SLC9C2: variants seen among roughly 807,000 people sequenced by gnomAD.
The protein encoded by SLC9C2 is solute carrier family 9 member C2 (putative).
Under a neutral mutation model 140.2 loss-of-function variants are expected in SLC9C2, and 75 were observed. The observed-to-expected ratio is 0.53, with a 90% CI of 0.44 to 0.65. The LOEUF (loss-of-function observed/expected upper bound fraction) is 0.65. Among genes scored for constraint, SLC9C2 ranks in the 30% least tolerant of loss-of-function variants. The probability of loss-of-function intolerance (pLI) is 0.00; values close to 1 mark genes in which losing one functional copy is unlikely to be tolerated. For synonymous variants in SLC9C2, 375 were observed against 420.9 expected, an observed-to-expected ratio of 0.89 and a Z score of 1.34; for missense variants, 1,074 against 1,331.8, an observed-to-expected ratio of 0.81 and a Z score of 3.01.
intron 9 of SLC9C2, among the ~76,000 whole-genome samples, chr1:173,568,983 A>G (rs1664672212): frequency 6.6e-6 from 1 of 152,130 alleles, no homozygotes; most frequent in South Asian, 2.1e-4. Context: ...CATTTCTTCT[A>G]GGAAAGGTCT....
chr1:173,520,399 A>G (rs1660725271), intron 22 of SLC9C2, among the ~76,000 whole-genome samples: 1 of 152,166 alleles, frequency 6.6e-6, no homozygotes, highest in Admixed American at 6.5e-5. Context: ...AAAAAATCAC[A>G]ACTAATCTCT....
At chr1:173,577,953 G>C (rs980221763) in intron 7 of SLC9C2, among the ~76,000 whole-genome samples, 3 of 152,014 alleles carry the variant, frequency 2.0e-5, no homozygotes, top group Non-Finnish European at 4.4e-5. Context: ...TGTGATGACA[G>C]GGAAACTATC....
intron 11 of SLC9C2, among the ~76,000 whole-genome samples, chr1:173,553,114 A>G (rs1663432972): frequency 6.6e-6 from 1 of 152,228 alleles, no homozygotes; most frequent in Non-Finnish European, 1.5e-5. Flanking sequence ...TGGTGGAAAT[A>G]GCAAGGGAAC....
intron 8 of SLC9C2, among the ~76,000 whole-genome samples, chr1:173,574,107 T>C (rs1232285537): frequency 6.7e-6 from 1 of 149,662 alleles, no homozygotes; most frequent in Non-Finnish European, 1.5e-5. Context: ...TATGGTTCCA[T>C]GTGGTAGCAC....
At chr1:173,530,355 C>G (rs1661495611) in intron 17 of SLC9C2, among the ~76,000 whole-genome samples, 1 of 152,164 alleles carries the variant, frequency 6.6e-6, no homozygotes, top group African/African-American at 2.4e-5. Context: ...GGGAAAGTCT[C>G]TAGCACTGCC....
At chr1:173,503,567 G>A (rs988296485) in intron 26 of SLC9C2, among the ~76,000 whole-genome samples, 9 of 152,118 alleles carry the variant, frequency 5.9e-5, no homozygotes, top group African/African-American at 1.9e-4. Flanking sequence ...TGAAGTGGGC[G>A]GGGTAAAGGC....
At chr1:173,542,063 T>A (rs1299898478) in intron 13 of SLC9C2, among the ~76,000 whole-genome samples, 4 of 152,066 alleles carry the variant, frequency 2.6e-5, no homozygotes, top group Middle Eastern at 6.8e-3. Context: ...AATCAATGAA[T>A]CCAGGAGCTG....
intron 11 of SLC9C2, among the ~76,000 whole-genome samples, chr1:173,551,494 T>C (rs1044861655): frequency 2.0e-5 from 3 of 152,228 alleles, no homozygotes; most frequent in African/African-American, 7.2e-5. Flanking sequence ...CTAGCAAGTC[T>C]ATCAGCACCA....
intron 18 of SLC9C2, among the ~76,000 whole-genome samples, 181 bp downstream of exon 18, chr1:173,529,724 A>G (rs1274941692): frequency 2.6e-5 from 4 of 151,822 alleles, no homozygotes; most frequent in Admixed American, 2.0e-4. Flanking sequence ...TGATGATAAC[A>G]GCTGAAATGT....
chr1:173,501,021 G>C lies in SLC9C2; in HGVS notation c.*73C>G. On this transcript the variant is annotated 3_prime_UTR_variant, in exon 28 of 28. Transcript: ENST00000367714. ...CTTTAGTATTTGAGCGAGGAAAGTA[G>C]TTTGGTCTTTAACCTGACTCCACAC... The C allele has an allele frequency of 7.1e-7, 1 of 1,409,376 alleles. No individual in the cohort carries two copies. The highest frequency in any genetic ancestry group is 9.3e-7 in the Non-Finnish European group (1 of 1,073,288). The allele number at this position is 1,409,376 out of a possible 1,614,324, so 87.3% of individuals were successfully genotyped here.
intron 9 of SLC9C2, among the ~76,000 whole-genome samples, chr1:173,568,496 T>C (rs1664640408): frequency 6.6e-6 from 1 of 152,214 alleles, no homozygotes. Context: ...TTTCATGGTG[T>C]ATATGTATTA....
Position 173,583,560 on chromosome 1 carries a change from A to G in SLC9C2, c.586T>C (p.Ser196Pro). The change falls in exon 6 of 28, where the codon TCA (serine) becomes CCA (proline). Residue 196 changes from serine (S) to proline (P), a missense_variant. Coordinates refer to ENST00000367714, the MANE Select transcript of SLC9C2 (RefSeq NM_178527.4). ...CCCCGAAAATTTCCAAAAAAAATTG[A>G]TGCGATGCTACAAATGATCAATGAT... ...GESLIICSIA[S>P]IFFGNFRGNR... 1 of 1,611,484 alleles carries G rather than the reference A, an allele frequency of 6.2e-7. No individual in the cohort carries two copies. The highest frequency in any genetic ancestry group is 8.5e-7 in the Non-Finnish European group (1 of 1,178,892).
intron 9 of SLC9C2, among the ~76,000 whole-genome samples, chr1:173,558,341 C>G (rs1056238073): frequency 2.0e-5 from 3 of 152,168 alleles, no homozygotes; most frequent in African/African-American, 7.2e-5. Flanking sequence ...CTCTTACCAA[C>G]CTTTTCAGGC....
At chr1:173,588,221 A>T (rs1027011925) in intron 4 of SLC9C2, among the ~76,000 whole-genome samples, 2 of 152,190 alleles carry the variant, frequency 1.3e-5, no homozygotes, top group East Asian at 3.9e-4. Flanking sequence ...AGACTCTAAA[A>T]TAGTCACAGA....
chr1:173,580,278 C>T (rs1033353129), intron 7 of SLC9C2, among the ~76,000 whole-genome samples: 1 of 152,160 alleles, frequency 6.6e-6, no homozygotes, highest in Non-Finnish European at 1.5e-5. Context: ...GCTATCAGCA[C>T]ACCAGCAGGA....
intron 6 of SLC9C2, among the ~76,000 whole-genome samples, chr1:173,582,818 G>A (rs1033506351): frequency 2.0e-5 from 3 of 152,066 alleles, no homozygotes; most frequent in African/African-American, 7.2e-5. Flanking sequence ...CTCCAGTCCT[G>A]CATACAATGT....
chr1:173,501,092 T>C lies in SLC9C2; in HGVS notation c.*2A>G. The C allele has an allele frequency of 1.3e-6, 2 of 1,534,508 alleles. No homozygotes were observed. The highest frequency in any genetic ancestry group is 1.3e-5 in the South Asian group (1 of 77,232). The stretch of plus-strand genomic sequence containing the variant: ...ACCCTTTTCTAAAATGGTATCCAGT[T>C]TTCAACTATAAAAGAAAGTCAAAAG... On this transcript the variant is annotated 3_prime_UTR_variant, in exon 28 of 28. Transcript: ENST00000367714.
chr1:173,575,717 C>CA (rs571022807), intron 8 of SLC9C2, among the ~76,000 whole-genome samples: 180 of 152,184 alleles, frequency 1.2e-3, no homozygotes, highest in Non-Finnish European at 1.6e-3. Flanking sequence ...GCTGGGACTA[C>CA]AGGAGCCTGC....
intron 18 of SLC9C2, among the ~76,000 whole-genome samples, chr1:173,527,307 A>G (rs1661273541): frequency 6.6e-6 from 1 of 152,180 alleles, no homozygotes; most frequent in Non-Finnish European, 1.5e-5. Flanking sequence ...TAGCTTGCAT[A>G]ACTACCTTGC....
Sources: gnomAD v4.1 joint callset for allele counts (sites outside exome capture counted in the v4.1 genomes callset) on GRCh38, gnomAD v4.1.1 for gene constraint, MANE v1.5 for transcripts, NCBI Gene and HGNC (gene_info 2026-07-23, HGNC 2026-07-21) for gene names.